The following CCNYL1 variants were observed in gnomAD, a reference collection of about 807,000 sequenced individuals.
The protein encoded by CCNYL1 is cyclin-Y-like protein 1.
A neutral mutation model predicts 44.2 loss-of-function variants in CCNYL1; 16 were observed. The observed-to-expected ratio is 0.36, with a 90% CI of 0.25 to 0.55. The LOEUF is 0.55. Among genes scored for constraint, CCNYL1 ranks in the 20% least tolerant of loss-of-function variants. CCNYL1 has a pLI of 0.85. For synonymous variants in CCNYL1, 159 were observed against 163.2 expected (o/e 0.97, Z 0.20); for missense variants, 348 against 451.8 (o/e 0.77, Z 2.08).
At chr2:207,719,347 C>T (rs1224864183) in intron 1 of CCNYL1, among the ~76,000 whole-genome samples, 1 of 139,836 alleles carries the variant, frequency 7.2e-6, no homozygotes, top group Admixed American at 8.0e-5. Flanking sequence ...GTTGCCCAGG[C>T]TGGAGTACAG....
chr2:207,728,236 A>G (rs1248285429), intron 3 of CCNYL1, among the ~76,000 whole-genome samples: 1 of 150,546 alleles, frequency 6.6e-6, no homozygotes, highest in African/African-American at 2.4e-5. Flanking sequence ...AGTGGGGATT[A>G]CAGGCATGAG....
At chr2:207,731,961 C>T (rs1383790019) in intron 3 of CCNYL1, among the ~76,000 whole-genome samples, 1 of 152,058 alleles carries the variant, frequency 6.6e-6, no homozygotes, top group African/African-American at 2.4e-5. Flanking sequence ...GGGAGCCCAC[C>T]ACCACGCTTG....
In CCNYL1 at chr2:207,753,754, A is replaced by C. The variant is rs952391863; in HGVS notation, c.*56A>C. 1.8e-6 allele frequency: 2 copies of C among 1,109,336 alleles called. No individual in the cohort carries two copies. The highest frequency in any genetic ancestry group is 3.1e-5 in the African/African-American group (2 of 63,834). The allele number at this position is 1,109,336 out of a possible 1,614,324, so 68.7% of individuals were successfully genotyped here. Reference sequence around the variant, plus strand: ...GACCTTCATCTACAAAGACTGGAGAAATACCACCTTTCCTGCTCAAAAACC... The same window carrying C: ...GACCTTCATCTACAAAGACTGGAGACATACCACCTTTCCTGCTCAAAAACC... On this transcript the variant is annotated 3_prime_UTR_variant, in exon 10 of 10. Coordinates refer to ENST00000295414, the MANE Select transcript of CCNYL1 (RefSeq NM_001330218.2).
At chr2:207,714,145 A>C (rs559508101) in intron 1 of CCNYL1, among the ~76,000 whole-genome samples, 11 of 152,316 alleles carry the variant, frequency 7.2e-5, no homozygotes, top group African/African-American at 2.4e-5. Flanking sequence ...TCTCAGACTG[A>C]CATGGAGGTG....
intron 7 of CCNYL1, among the ~76,000 whole-genome samples, chr2:207,745,728 C>G (rs185568297): frequency 5.9e-5 from 9 of 152,292 alleles, no homozygotes; most frequent in Admixed American, 2.0e-4. Flanking sequence ...GTGGGCAGAT[C>G]ACTTGAGGCC....
chr2:207,724,420 G>T (rs1023999936), intron 1 of CCNYL1, among the ~76,000 whole-genome samples: 2 of 152,236 alleles, frequency 1.3e-5, no homozygotes, highest in Non-Finnish European at 2.9e-5. Flanking sequence ...ACTGGCCACA[G>T]CATCACTTGC....
At chr2:207,740,178 A>G (rs1030788257) in intron 5 of CCNYL1, among the ~76,000 whole-genome samples, 1 of 152,242 alleles carries the variant, frequency 6.6e-6, no homozygotes, top group African/African-American at 2.4e-5. Flanking sequence ...TAAAAAGACA[A>G]TAAGGTTTTT....
At position 207,726,951 on chromosome 2, in the gene CCNYL1, T is replaced by C. The variant is rs1358610912; in HGVS notation, c.330+75T>C. The C allele has an allele frequency of 5.7e-6, 6 of 1,054,670 alleles. No homozygotes were observed. The East Asian group carries it at 1.4e-4, about 24-fold the overall frequency. 65.3% of individuals were successfully genotyped at this position (1,054,670 alleles called of 1,614,324 possible). On this transcript the variant is annotated intron_variant, in intron 3 of 9. Coordinates refer to ENST00000295414, the MANE Select transcript of CCNYL1 (RefSeq NM_001330218.2). Reference sequence around the variant, plus strand: ...TGTCTGTCATGATTCCATAAAAATATAATGGGGACCCAATACTGTTAGTAT... The same window carrying C: ...TGTCTGTCATGATTCCATAAAAATACAATGGGGACCCAATACTGTTAGTAT...
chr2:207,730,690 G>C (rs1422849649), intron 3 of CCNYL1, among the ~76,000 whole-genome samples: 1 of 152,018 alleles, frequency 6.6e-6, no homozygotes, highest in Non-Finnish European at 1.5e-5. Context: ...CCTGGGAGGT[G>C]GAAGCTGCAG....
At chr2:207,713,027 G>A (rs963983879) in intron 1 of CCNYL1, among the ~76,000 whole-genome samples, 3 of 151,898 alleles carry the variant, frequency 2.0e-5, no homozygotes, top group Admixed American at 6.6e-5. Context: ...TGTTGGTCAG[G>A]CTGGTCTCTA....
chr2:207,727,759 T>C (rs961218238), intron 3 of CCNYL1, among the ~76,000 whole-genome samples: 2 of 152,202 alleles, frequency 1.3e-5, no homozygotes, highest in African/African-American at 2.4e-5. Flanking sequence ...CCTGTTTTCC[T>C]GGGATATCTC....
rs1212854742 is a variant in CCNYL1, at chr2:207,740,660, C to G, written c.473C>G (p.Ala158Gly). The G allele has an allele frequency of 6.3e-7, 1 of 1,589,538 alleles. No individual in the cohort carries two copies. Among genetic ancestry groups the G allele is most frequent in the African/African-American group, 1.3e-5 (1 of 74,424 alleles). Residue 158 changes from alanine (A) to glycine (G), a missense_variant, in exon 6 of 10, where the codon GCA becomes GGA. Transcript: ENST00000295414. ...TGCATATTCTTATTTTATAGAGATG[C>G]AAATAGATCCCTGGATATTTTTGAT... ...AIYYHIKNRD[A>G]NRSLDIFDER...
chr2:207,722,537 T>G (rs1472171338), intron 1 of CCNYL1, among the ~76,000 whole-genome samples: 1 of 151,692 alleles, frequency 6.6e-6, no homozygotes, highest in East Asian at 1.9e-4. Flanking sequence ...AATTCCTAAT[T>G]AAACTTTATC....
At chr2:207,714,538 C>A in intron 1 of CCNYL1, 1 of 274,910 alleles carries the variant, frequency 3.6e-6, no homozygotes, top group South Asian at 3.3e-5. Context: ...ATATACCCAT[C>A]AAATAAACAG....
chr2:207,716,551 A>G (rs1325716667), intron 1 of CCNYL1, among the ~76,000 whole-genome samples: 1 of 152,158 alleles, frequency 6.6e-6, no homozygotes. Flanking sequence ...GTGCTCCAAG[A>G]TATCTTTCCA....
intron 1 of CCNYL1, among the ~76,000 whole-genome samples, chr2:207,715,676 G>A (rs10932207): frequency 6.7e-6 from 1 of 149,152 alleles, no homozygotes; most frequent in African/African-American, 2.5e-5. Context: ...CACCGCGCCT[G>A]GCCTTTTTTT....
chr2:207,724,944 T>C lies in CCNYL1; in HGVS notation c.295+70T>C, dbSNP rs2091669009. ...TGTTTCTATTTTATTGGATGTATTA[T>C]AGAAGGTATTTAGAAGAACTGATGT... is the stretch of plus-strand genomic sequence containing the variant. On this transcript the variant is annotated intron_variant, in intron 2 of 9. Coordinates refer to ENST00000295414, the MANE Select transcript of CCNYL1 (RefSeq NM_001330218.2). 3.2e-6 allele frequency: 4 copies of C among 1,232,032 alleles called. No homozygotes were observed. The African/African-American group carries it at 4.6e-5, about 14-fold the overall frequency. The allele number at this position is 1,232,032 out of a possible 1,614,324, so 76.3% of individuals were successfully genotyped here.
Position 207,712,008 on chromosome 2 carries a change from G to C in CCNYL1, c.112G>C (p.Gly38Arg), listed in dbSNP as rs753515663. 8 of 1,479,788 alleles carry C rather than the reference G, an allele frequency of 5.4e-6. No homozygotes were observed. Among genetic ancestry groups the C allele is most frequent in the African/African-American group, 4.4e-5 (3 of 68,818 alleles). 91.7% of individuals were successfully genotyped at this position (1,479,788 alleles called of 1,614,324 possible). A position where few individuals can be genotyped will look rare whatever the true frequency, so the allele number is the denominator to read the frequency against. Residue 38 changes from glycine to arginine, a missense_variant, in exon 1 of 10, where the codon GGG (glycine) becomes CGG (arginine). Gly to Arg is a moderately radical substitution (Grantham distance 125). Around this residue, in one of 3 missense-constraint regions of CCNYL1, gnomAD observed 209 missense variants for 247.7 expected, o/e 0.84. Transcript: ENST00000295414. ...GTCCGACATCTACGAGGCGGTGTCC[G>C]GGGACGCGGTGGCGGTAGCGCCCGC... ...CASDIYEAVS[G>R]DAVAVAPAVV...
intron 7 of CCNYL1, among the ~76,000 whole-genome samples, chr2:207,743,353 C>T (rs910546843): frequency 1.9e-4 from 29 of 152,064 alleles, no homozygotes; most frequent in African/African-American, 7.0e-4. Flanking sequence ...GTGACAGTGT[C>T]CAATAATCAT....
Sources: gnomAD v4.1 joint callset for allele counts (sites outside exome capture counted in the v4.1 genomes callset) on GRCh38, gnomAD v4.1.1 for gene constraint, gnomAD v4.1.1 regional missense constraint, MANE v1.5 for transcripts, NCBI Gene and HGNC (gene_info 2026-07-23, HGNC 2026-07-21) for gene names.